The following FARS2 variants were observed in gnomAD, a reference collection of about 807,000 sequenced individuals.
The protein encoded by FARS2 is phenylalanine--tRNA ligase, mitochondrial.
Under a neutral mutation model 46.4 loss-of-function variants are expected in FARS2, and 40 were observed. That is an observed-to-expected ratio of 0.86 (90% CI 0.67 to 1.12). The LOEUF (loss-of-function observed/expected upper bound fraction) is 1.12, where lower values mean the gene tolerates loss of function less well. FARS2 is among the 50% of genes most tolerant of loss of function. The pLI, the probability that FARS2 is intolerant of heterozygous loss-of-function variation, is 0.00. For synonymous variants in FARS2, 234 were observed against 214.9 expected (o/e 1.09, Z -0.78); for missense variants, 513 against 567.9 (o/e 0.90, Z 0.98).
At chr6:5,423,840 A>C (rs1762699869) in intron 3 of FARS2, among the ~76,000 whole-genome samples, 1 of 152,168 alleles carries the variant, frequency 6.6e-6, no homozygotes, top group East Asian at 1.9e-4. Flanking sequence ...CAGGTTTGTA[A>C]GGCCCTAGAT....
At chr6:5,405,711 C>G (rs1298652928) in intron 3 of FARS2, among the ~76,000 whole-genome samples, 1 of 151,842 alleles carries the variant, frequency 6.6e-6, no homozygotes, top group Non-Finnish European at 1.5e-5. Context: ...CCAAGATGGT[C>G]TCGATCTCCT....
At chr6:5,448,505 A>T (rs1415238787) in intron 4 of FARS2, among the ~76,000 whole-genome samples, 1 of 148,116 alleles carries the variant, frequency 6.8e-6, no homozygotes, top group Non-Finnish European at 1.5e-5. Context: ...TATTTTAGAG[A>T]TGTTTGCACG....
At chr6:5,609,684 G>T in intron 5 of FARS2, 9 of 1,305,838 alleles carry the variant, frequency 6.9e-6, no homozygotes, top group Non-Finnish European at 8.7e-6. Flanking sequence ...CCATTCACAG[G>T]ATGGCATTTC....
intron 1 of FARS2, among the ~76,000 whole-genome samples, chr6:5,266,996 G>A (rs940677739): frequency 1.3e-5 from 2 of 152,010 alleles, no homozygotes; most frequent in African/African-American, 4.8e-5. Flanking sequence ...TCTGTTCTCT[G>A]TTTTGAGAAA....
chr6:5,362,999 C>A (rs1469854330), intron 1 of FARS2, among the ~76,000 whole-genome samples: 1 of 148,696 alleles, frequency 6.7e-6, no homozygotes, highest in Non-Finnish European at 1.5e-5. Flanking sequence ...CGATCTCGGC[C>A]CACTGCAAGC....
rs560515881 is a variant in FARS2, at chr6:5,340,333, G to A, written c.-21-28217G>A. ...AGCATGTGTTCAGAAGGATGCGTGC[G>A]TATACCCTAGAAATAGCTCAAGTTT... is the stretch of plus-strand genomic sequence containing the variant. On this transcript the variant is annotated intron_variant, in intron 1 of 6. Coordinates refer to ENST00000274680, the MANE Select transcript of FARS2 (RefSeq NM_006567.5). Among the ~76,000 whole-genome samples the A allele has an allele frequency of 6.6e-5, 10 of 152,268 alleles. No individual in the cohort carries two copies. In the East Asian group the frequency reaches 1.5e-3, roughly 23 times the overall value.
chr6:5,687,665 T>A (rs1757348439), intron 6 of FARS2, among the ~76,000 whole-genome samples: 1 of 152,248 alleles, frequency 6.6e-6, no homozygotes, highest in Non-Finnish European at 1.5e-5. Flanking sequence ...TGGTTTAGGA[T>A]TGACTTGGCA....
chr6:5,535,918 C>G (rs1221407495), intron 4 of FARS2, among the ~76,000 whole-genome samples: 1 of 152,126 alleles, frequency 6.6e-6, no homozygotes, highest in Non-Finnish European at 1.5e-5. Context: ...TTTTAATGTG[C>G]TACTAAATTT....
intron 4 of FARS2, among the ~76,000 whole-genome samples, chr6:5,458,489 C>T (rs1174600728): frequency 6.6e-6 from 1 of 152,148 alleles, no homozygotes. Context: ...GGAGGTGACT[C>T]AGATCCACCT....
intron 6 of FARS2, among the ~76,000 whole-genome samples, chr6:5,678,235 A>C: frequency 6.6e-6 from 1 of 151,978 alleles, no homozygotes; most frequent in East Asian, 1.9e-4. Context: ...ACCACACCTC[A>C]CCCAAGTTCC....
intron 1 of FARS2, among the ~76,000 whole-genome samples, chr6:5,339,901 C>G (rs1248616852): frequency 6.6e-6 from 1 of 152,208 alleles, no homozygotes; most frequent in South Asian, 2.1e-4. Flanking sequence ...GGTTGGTTCA[C>G]TTTTATCATG....
At chr6:5,400,757 T>C (rs928735302) in intron 2 of FARS2, among the ~76,000 whole-genome samples, 1 of 152,018 alleles carries the variant, frequency 6.6e-6, no homozygotes, top group African/African-American at 2.4e-5. Flanking sequence ...AAGAATGATG[T>C]ATTAAAGTTT....
chr6:5,538,385 C>T (rs1005356397), intron 4 of FARS2, among the ~76,000 whole-genome samples: 5 of 152,004 alleles, frequency 3.3e-5, no homozygotes, highest in African/African-American at 9.7e-5. Context: ...AGAGGAAATG[C>T]GGATAAGAAA....
At chr6:5,577,013 A>G (rs1397015866) in intron 5 of FARS2, among the ~76,000 whole-genome samples, 1 of 152,120 alleles carries the variant, frequency 6.6e-6, no homozygotes, top group Non-Finnish European at 1.5e-5. Flanking sequence ...ACACCTATAT[A>G]AAAACCCATG....
intron 1 of FARS2, among the ~76,000 whole-genome samples, chr6:5,290,762 C>G (rs1442367929): frequency 4.9e-4 from 74 of 152,216 alleles, no homozygotes; most frequent in Non-Finnish European, 7.3e-5. Flanking sequence ...ACTCTGTCCC[C>G]TAAGCTGGAG....
chr6:5,413,233 A>G (rs748454559), intron 3 of FARS2, among the ~76,000 whole-genome samples: 2 of 152,242 alleles, frequency 1.3e-5, no homozygotes, highest in Non-Finnish European at 2.9e-5. Flanking sequence ...TCCTGATTCT[A>G]TGGCAGTTGG....
intron 5 of FARS2, chr6:5,609,771 G>C (rs139606593): frequency 2.4e-5 from 36 of 1,492,978 alleles, no homozygotes; most frequent in African/African-American, 1.4e-4. Context: ...CCACTGCCTC[G>C]GTCAGTCATG....
intron 1 of FARS2, among the ~76,000 whole-genome samples, chr6:5,338,599 A>G (rs1443612030): frequency 6.8e-6 from 1 of 147,382 alleles, no homozygotes; most frequent in Non-Finnish European, 1.5e-5. Context: ...CCTGCACAGA[A>G]GTTTACCTCT....
intron 1 of FARS2, among the ~76,000 whole-genome samples, chr6:5,321,634 T>C (rs1204313783): frequency 2.6e-5 from 2 of 77,756 alleles, no homozygotes; most frequent in African/African-American, 7.6e-5. Context: ...GGTAGGTGTC[T>C]TCTATGTTTT....
Sources: gnomAD v4.1 joint callset for allele counts (sites outside exome capture counted in the v4.1 genomes callset) on GRCh38, gnomAD v4.1.1 for gene constraint, MANE v1.5 for transcripts, NCBI Gene and HGNC (gene_info 2026-07-23, HGNC 2026-07-21) for gene names.